The following NUAK1 variants were observed in gnomAD, a reference collection of about 807,000 sequenced individuals.
The protein encoded by NUAK1 is NUAK family SNF1-like kinase 1.
A neutral mutation model predicts 56.9 loss-of-function variants in NUAK1; 26 were observed. The ratio of observed to expected loss-of-function variants is 0.46; its 90% CI spans 0.33 to 0.63. The LOEUF (loss-of-function observed/expected upper bound fraction) is 0.63, where lower values mean the gene tolerates loss of function less well. Ranked by LOEUF, NUAK1 falls within the 30% of genes least tolerant of loss-of-function variation. NUAK1 has a pLI of 0.02. For missense variants in NUAK1, 727 were observed against 876.1 expected, an observed-to-expected ratio of 0.83 and a Z score of 2.15; for synonymous variants, 337 against 336.0, an observed-to-expected ratio of 1.00 and a Z score of -0.03.
At chr12:106,080,041 T>C (rs1304867361) in intron 4 of NUAK1, among the ~76,000 whole-genome samples, 1 of 152,202 alleles carries the variant, frequency 6.6e-6, no homozygotes, top group Non-Finnish European at 1.5e-5. Flanking sequence ...TATGCGTGGA[T>C]ATATACACAC....
At chr12:106,076,301 C>A (rs2136458425) in intron 4 of NUAK1, among the ~76,000 whole-genome samples, 1 of 152,316 alleles carries the variant, frequency 6.6e-6, no homozygotes, top group East Asian at 1.9e-4. Flanking sequence ...TGAAGGAGCA[C>A]ATGGGTCTTC....
At chr12:106,101,625 T>C (rs1592855784) in intron 2 of NUAK1, among the ~76,000 whole-genome samples, 1 of 152,188 alleles carries the variant, frequency 6.6e-6, no homozygotes, top group East Asian at 1.9e-4. Flanking sequence ...ACCAGAATTG[T>C]GAGAAAATAT....
intron 1 of NUAK1, among the ~76,000 whole-genome samples, chr12:106,115,808 C>T (rs1337954481): frequency 6.6e-6 from 1 of 152,212 alleles, no homozygotes; most frequent in Admixed American, 6.5e-5. Context: ...ACTCAACTCT[C>T]AGTTCCTACC....
Position 106,067,338 on chromosome 12 carries a change from G to T in NUAK1, c.1450C>A (p.Arg484Ser). The change falls in exon 7 of 7, where the codon CGC becomes AGC. Residue 484 changes from arginine (R) to serine (S), a missense_variant. By Grantham distance (110) the Arg-to-Ser change is moderately radical. Coordinates refer to ENST00000261402, the MANE Select transcript of NUAK1 (RefSeq NM_014840.3). This position sits in a 1 kb window ranked among gnomAD's most constrained non-coding sequence, Gnocchi z 6.0. Reference sequence around the variant, plus strand: ...TCCAACAGCTCCGAAGACTCACTGCGCTCTGGGGAAGAGTAGTAACCTGAT... The same window carrying T: ...TCCAACAGCTCCGAAGACTCACTGCTCTCTGGGGAAGAGTAGTAACCTGAT... ...RESGYYSSPERSESSELLDSN... is the reference protein window; with the variant it reads ...RESGYYSSPESSESSELLDSN... 1 of 1,614,200 alleles carries T rather than the reference G, an allele frequency of 6.2e-7. No individual in the cohort carries two copies. Among genetic ancestry groups the T allele is most frequent in the Non-Finnish European group, 8.5e-7 (1 of 1,180,030 alleles).
Position 106,138,786 on chromosome 12 carries a change from G to C in NUAK1, c.-133C>G. The C allele has an allele frequency of 8.2e-7, 1 of 1,226,178 alleles. No individual in the cohort carries two copies. Among genetic ancestry groups the C allele is most frequent in the Non-Finnish European group, 1.1e-6 (1 of 940,548 alleles). The allele number at this position is 1,226,178 out of a possible 1,614,324, so 76.0% of individuals were successfully genotyped here. A position where few individuals can be genotyped will look rare whatever the true frequency, so the allele number is the denominator to read the frequency against. On this transcript the variant is annotated 5_prime_UTR_variant, in exon 1 of 7. Coordinates refer to ENST00000261402, the MANE Select transcript of NUAK1 (RefSeq NM_014840.3). This position sits in a 1 kb window ranked among gnomAD's most constrained non-coding sequence, Gnocchi z 5.0. ...AGCATCAGGGAGGCGGCCCGATACC[G>C]CTCGGACTGCGGCTCGGTCACTGGC...
intron 4 of NUAK1, among the ~76,000 whole-genome samples, chr12:106,083,433 C>A (rs116796638): frequency 1.8e-3 from 275 of 152,282 alleles, no homozygotes; most frequent in African/African-American, 6.2e-3. Flanking sequence ...TTTTTCTGTG[C>A]CTCAGTTTCC....
intron 1 of NUAK1, among the ~76,000 whole-genome samples, chr12:106,130,261 C>A (rs117382693): frequency 6.6e-6 from 1 of 152,190 alleles, no homozygotes; most frequent in African/African-American, 2.4e-5. Flanking sequence ...GGACTGCAGG[C>A]GTGAACCACC....
rs747705556 is a variant in NUAK1 at position 106,067,436 on chromosome 12, G to A, written c.1352C>T (p.Pro451Leu). 35 of 1,614,010 alleles carry A rather than the reference G, an allele frequency of 2.2e-5. No homozygotes were observed. Among genetic ancestry groups the A allele is most frequent in the Non-Finnish European group, 2.3e-5 (27 of 1,180,042 alleles). Residue 451 changes from proline (P) to leucine (L), a missense_variant, in exon 7 of 7, where the codon CCG becomes CTG. Transcript: ENST00000261402. The surrounding 1 kb of genome is among the most constrained non-coding windows in gnomAD (Gnocchi z 6.0). ...LLPSSPEAEV[P>L]GKLSPKQSAT... ...CGACTGCTTGGGGCTGAGTTTTCCC[G>A]GCACCTCTGCCTCTGGTGAGCTTGG...
chr12:106,097,795 G>A (rs998434809), intron 2 of NUAK1, among the ~76,000 whole-genome samples: 5 of 152,106 alleles, frequency 3.3e-5, no homozygotes, highest in African/African-American at 9.7e-5. Context: ...GATTACTCTG[G>A]GTGCTGTAAC....
chr12:106,111,902 T>TAAAA (rs35552828), intron 1 of NUAK1, among the ~76,000 whole-genome samples: 4 of 123,360 alleles, frequency 3.2e-5, no homozygotes, highest in African/African-American at 1.2e-4. Flanking sequence ...ACATAGCCTG[T>TAAAA]AAAAAAAAAA....
At chr12:106,107,076 A>G (rs2032810872) in intron 1 of NUAK1, among the ~76,000 whole-genome samples, 1 of 152,156 alleles carries the variant, frequency 6.6e-6, no homozygotes, top group African/African-American at 2.4e-5. Flanking sequence ...TCCTTCCTAC[A>G]TCCTTCCTCT....
At chr12:106,115,472 C>T (rs894243477) in intron 1 of NUAK1, among the ~76,000 whole-genome samples, 3 of 152,210 alleles carry the variant, frequency 2.0e-5, no homozygotes, top group Non-Finnish European at 4.4e-5. Flanking sequence ...GGCTGCAGTC[C>T]GTCCCCCAAA....
At chr12:106,122,687 G>A (rs1565927780) in intron 1 of NUAK1, among the ~76,000 whole-genome samples, 1 of 152,164 alleles carries the variant, frequency 6.6e-6, no homozygotes, top group Non-Finnish European at 1.5e-5. Context: ...GTCCAGAGCT[G>A]TGTTCTCAAA....
chr12:106,070,854 A>G lies in NUAK1; in HGVS notation c.752T>C (p.Met251Thr). 1 of 1,614,212 alleles carries G rather than the reference A, an allele frequency of 6.2e-7. No individual in the cohort carries two copies. The highest frequency in any genetic ancestry group is 8.5e-7 in the Non-Finnish European group (1 of 1,180,036). ...TTTGTGATCGAAACCATCGAAGGGCATTGTTCCATAAACAAGAGTGTAAAG... is the reference window on the plus strand; with the variant it reads ...TTTGTGATCGAAACCATCGAAGGGCGTTGTTCCATAAACAAGAGTGTAAAG... ...VLLYTLVYGT[M>T]PFDGFDHKNL... Residue 251 changes from methionine to threonine, a missense_variant, in exon 6 of 7, where the codon ATG (methionine) becomes ACG (threonine). By Grantham distance (81) the Met-to-Thr change is moderately conservative (BLOSUM62 -1). Coordinates refer to ENST00000261402, the MANE Select transcript of NUAK1 (RefSeq NM_014840.3).
chr12:106,082,018 G>A (rs755470949), intron 4 of NUAK1, among the ~76,000 whole-genome samples: 18 of 152,174 alleles, frequency 1.2e-4, no homozygotes, highest in African/African-American at 3.9e-4. Flanking sequence ...GCTGACTTCC[G>A]GTTCAATTCC....
intron 2 of NUAK1, among the ~76,000 whole-genome samples, chr12:106,098,336 G>A (rs117737109): frequency 0.017 from 2,545 of 152,212 alleles, 28 homozygotes; most frequent in Middle Eastern, 0.027. Flanking sequence ...TTATCTTCTC[G>A]TGGGCAGCAT....
At chr12:106,112,779 G>C (rs1281294399) in intron 1 of NUAK1, among the ~76,000 whole-genome samples, 1 of 152,216 alleles carries the variant, frequency 6.6e-6, no homozygotes, top group African/African-American at 2.4e-5. Flanking sequence ...TCTGAGGCGA[G>C]GCACTGAAGC....
chr12:106,132,359 C>T (rs1203277936), intron 1 of NUAK1, among the ~76,000 whole-genome samples: 1 of 152,230 alleles, frequency 6.6e-6, no homozygotes, highest in African/African-American at 2.4e-5. Flanking sequence ...TCCTACAAGC[C>T]TCTGTTGAGG....
At chr12:106,072,228 G>C (rs1247649196) in intron 5 of NUAK1, among the ~76,000 whole-genome samples, 1 of 152,052 alleles carries the variant, frequency 6.6e-6, no homozygotes, top group Non-Finnish European at 1.5e-5. Flanking sequence ...TGATATAATA[G>C]GGAAAAAACT....
Sources: gnomAD v4.1 joint callset for allele counts (sites outside exome capture counted in the v4.1 genomes callset) on GRCh38, gnomAD v4.1.1 for gene constraint, Gnocchi (gnomAD v3.1) non-coding constraint, MANE v1.5 for transcripts, NCBI Gene and HGNC (gene_info 2026-07-23, HGNC 2026-07-21) for gene names.